The following UTRN variants were observed in gnomAD, a reference collection of about 807,000 sequenced individuals.
The protein encoded by UTRN is utrophin.
UTRN carries 283 observed loss-of-function variants against 463.9 expected under a neutral mutation model. The ratio of observed to expected loss-of-function variants is 0.61; its 90% CI spans 0.55 to 0.67. UTRN has a LOEUF of 0.67. UTRN is among the 30% of genes least tolerant of loss of function. The probability of loss-of-function intolerance (pLI) is 0.00; values close to 1 mark genes in which losing one functional copy is unlikely to be tolerated. For synonymous variants in UTRN, 1,442 were observed against 1,431.5 expected (o/e 1.01, Z -0.17); for missense variants, 3,922 against 4,084.3 (o/e 0.96, Z 1.08).
chr6:144,694,944 A>T (rs1053203822), intron 52 of UTRN, among the ~76,000 whole-genome samples: 1 of 145,860 alleles, frequency 6.9e-6, no homozygotes, highest in South Asian at 2.2e-4. Flanking sequence ...GATCCTTTTT[A>T]GTCCCCAAAT....
intron 58 of UTRN, among the ~76,000 whole-genome samples, chr6:144,764,174 C>T (rs557509254): frequency 6.6e-6 from 1 of 152,052 alleles, no homozygotes; most frequent in African/African-American, 2.4e-5. Context: ...AATGTAAGTA[C>T]CTTAGGATCA....
intron 50 of UTRN, among the ~76,000 whole-genome samples, chr6:144,562,985 C>T (rs1206242586): frequency 6.6e-6 from 1 of 152,062 alleles, no homozygotes; most frequent in African/African-American, 2.4e-5. Context: ...TATGTTTGGT[C>T]ACATAAATGT....
intron 28 of UTRN, among the ~76,000 whole-genome samples, chr6:144,486,114 T>C (rs929645770): frequency 4.6e-5 from 7 of 152,064 alleles, no homozygotes; most frequent in Non-Finnish European, 8.8e-5. Context: ...GCAAAGAGGG[T>C]AGGTTTGCTT....
At chr6:144,770,372 G>T (rs1480643857) in intron 58 of UTRN, among the ~76,000 whole-genome samples, 1 of 152,114 alleles carries the variant, frequency 6.6e-6, no homozygotes, top group Non-Finnish European at 1.5e-5. Flanking sequence ...CCCAGTTTTT[G>T]ATATATTACA....
At chr6:144,420,247 G>T (rs191025980) in intron 3 of UTRN, among the ~76,000 whole-genome samples, 2 of 152,198 alleles carry the variant, frequency 1.3e-5, no homozygotes, top group Admixed American at 6.5e-5. Flanking sequence ...ATTATATAAG[G>T]CAGTAATTCG....
At chr6:144,444,009 G>A (rs1326826644) in intron 13 of UTRN, among the ~76,000 whole-genome samples, 5 of 152,130 alleles carry the variant, frequency 3.3e-5, no homozygotes, top group Admixed American at 3.3e-4. Context: ...GAAATAGAAA[G>A]AGCAGGTTTG....
chr6:144,406,200 C>A (rs2114804750), intron 3 of UTRN, among the ~76,000 whole-genome samples: 1 of 152,258 alleles, frequency 6.6e-6, no homozygotes, highest in South Asian at 2.1e-4. Context: ...TTAAATAAAT[C>A]TTTGACAGAC....
chr6:144,628,043 C>T (rs1292979426), intron 51 of UTRN, among the ~76,000 whole-genome samples: 1 of 152,164 alleles, frequency 6.6e-6, no homozygotes, highest in Admixed American at 6.5e-5. Context: ...TCGTGATCCA[C>T]CCGCCTCGGC....
At chr6:144,470,398 T>C (rs1313191416) in intron 23 of UTRN, among the ~76,000 whole-genome samples, 3 of 145,830 alleles carry the variant, frequency 2.1e-5, no homozygotes, top group Non-Finnish European at 3.0e-5. Context: ...GGGTGGCTGC[T>C]GGGCGGAGGG....
intron 3 of UTRN, among the ~76,000 whole-genome samples, chr6:144,408,659 A>G (rs1401050855): frequency 1.3e-5 from 2 of 152,262 alleles, no homozygotes; most frequent in Middle Eastern, 3.2e-3. Context: ...GAGGAAAGCC[A>G]TGAAGCATTT....
chr6:144,420,901 A>G (rs1784778772), intron 3 of UTRN, among the ~76,000 whole-genome samples: 1 of 152,188 alleles, frequency 6.6e-6, no homozygotes, highest in South Asian at 2.1e-4. Context: ...TCTCGTTATC[A>G]TTGCTTTCTC....
chr6:144,409,026 G>A (rs1171138245), intron 3 of UTRN, among the ~76,000 whole-genome samples: 2 of 152,090 alleles, frequency 1.3e-5, no homozygotes, highest in Admixed American at 6.5e-5. Flanking sequence ...TGTTTTAGGA[G>A]CCATACACAT....
At chr6:144,648,103 A>G (rs755298988) in intron 51 of UTRN, among the ~76,000 whole-genome samples, 14 of 152,116 alleles carry the variant, frequency 9.2e-5, no homozygotes, top group Non-Finnish European at 2.1e-4. Context: ...TATGGGTTAA[A>G]CTCTTGCCCA....
chr6:144,671,562 A>G (rs1355052430), intron 51 of UTRN, among the ~76,000 whole-genome samples: 2 of 152,018 alleles, frequency 1.3e-5, no homozygotes, highest in African/African-American at 4.8e-5. Context: ...TTTTTTAGGT[A>G]TACAATCATG....
chr6:144,694,265 C>T (rs1329754010), intron 52 of UTRN, among the ~76,000 whole-genome samples: 7 of 150,878 alleles, frequency 4.6e-5, no homozygotes, highest in Non-Finnish European at 1.0e-4. Context: ...TTAGCTTTTT[C>T]ATGTGCTGCT....
rs1446428030 is a variant in UTRN at position 144,554,085 on chromosome 6, A to G, written c.6929-603A>G. Among the ~76,000 whole-genome samples, 9 of 152,322 alleles carry G rather than the reference A, an allele frequency of 5.9e-5. No homozygotes were observed. In the South Asian group the frequency reaches 1.7e-3, roughly 28 times the overall value. On this transcript the variant is annotated intron_variant, in intron 48 of 74. Coordinates refer to ENST00000367545, the MANE Select transcript of UTRN (RefSeq NM_007124.3). ...AGAGGAAGGACAAGAGCCAGTATGG[A>G]ATTTTTATGATGAAGAGCTGCTGGG...
intron 6 of UTRN, among the ~76,000 whole-genome samples, chr6:144,425,333 T>C (rs575676615): frequency 6.6e-6 from 1 of 152,326 alleles, no homozygotes; most frequent in South Asian, 2.1e-4. Flanking sequence ...TTTCTGGCAG[T>C]GTTAACTTTG....
At position 144,523,109 on chromosome 6, in the gene UTRN, G is replaced by A. The variant is rs745608919; in HGVS notation, c.5827G>A (p.Ala1943Thr). Residue 1943 changes from alanine to threonine, a missense_variant, in exon 41 of 75, where the codon GCC becomes ACC. Transcript: ENST00000367545. ...CATCCTTGAAGCCTCTGGACCTGAA[G>A]CCATTCAGATCAGAGATACACTTAC... Reference protein sequence around the residue: ...DVILEASGPEAIQIRDTLTQL... With the variant: ...DVILEASGPETIQIRDTLTQL... 8.1e-6 allele frequency: 13 copies of A among 1,613,594 alleles called. No individual in the cohort carries two copies. Among genetic ancestry groups the A allele is most frequent in the Non-Finnish European group, 9.3e-6 (11 of 1,179,752 alleles).
chr6:144,444,693 A>T (rs1182508101), intron 14 of UTRN, among the ~76,000 whole-genome samples: 1 of 152,192 alleles, frequency 6.6e-6, no homozygotes, highest in African/African-American at 2.4e-5. Flanking sequence ...GATGTATTTG[A>T]ATTTGTATCA....
Sources: allele counts gnomAD v4.1 joint callset (sites outside exome capture counted in the v4.1 genomes callset), GRCh38; gene constraint gnomAD v4.1.1; transcripts MANE v1.5; gene names NCBI Gene and HGNC (gene_info 2026-07-23, HGNC 2026-07-21).